SLC4A4: variants seen among roughly 807,000 people sequenced by gnomAD.
The protein encoded by SLC4A4 is electrogenic sodium bicarbonate cotransporter 1.
Under a neutral mutation model 111.5 loss-of-function variants are expected in SLC4A4, and 27 were observed. The ratio of observed to expected loss-of-function variants is 0.24; its 90% CI spans 0.18 to 0.33. The LOEUF is 0.33. SLC4A4 is among the 10% of genes least tolerant of loss of function. The probability of loss-of-function intolerance (pLI) is 1.00; values close to 1 mark genes in which losing one functional copy is unlikely to be tolerated. For synonymous variants in SLC4A4, 443 were observed against 463.4 expected (o/e 0.96, Z 0.57); for missense variants, 909 against 1,315.5 (o/e 0.69, Z 4.78).
intron 7 of SLC4A4, among the ~76,000 whole-genome samples, chr4:71,424,780 G>T (rs1722944347): frequency 6.6e-6 from 1 of 152,000 alleles, no homozygotes; most frequent in Non-Finnish European, 1.5e-5. Flanking sequence ...TCATAGGTGG[G>T]AATTGAACAA....
intron 6 of SLC4A4, among the ~76,000 whole-genome samples, chr4:71,380,726 C>T (rs1280253046): frequency 6.6e-6 from 1 of 152,142 alleles, no homozygotes; most frequent in East Asian, 1.9e-4. Context: ...TGAGGTCACT[C>T]AGTTAGTTGG....
chr4:71,075,809 C>T (rs1401479289), intron 1 of SLC4A4, among the ~76,000 whole-genome samples: 1 of 151,830 alleles, frequency 6.6e-6, no homozygotes, highest in Non-Finnish European at 1.5e-5. Context: ...ACTAAAAATA[C>T]AAAAATTAGC....
intron 1 of SLC4A4, among the ~76,000 whole-genome samples, chr4:71,077,945 A>G (rs1741889308): frequency 6.6e-6 from 1 of 152,326 alleles, no homozygotes; most frequent in East Asian, 1.9e-4. Flanking sequence ...AGAAAAATCA[A>G]TGAAAACATA....
At chr4:71,328,147 G>T (rs1169816052) in intron 3 of SLC4A4, among the ~76,000 whole-genome samples, 10 of 152,048 alleles carry the variant, frequency 6.6e-5, no homozygotes, top group Non-Finnish European at 1.3e-4. Context: ...TATTGCAAAT[G>T]ACTGGATCTC....
chr4:71,198,455 A>G (rs1746105827), intron 1 of SLC4A4, among the ~76,000 whole-genome samples: 1 of 152,196 alleles, frequency 6.6e-6, no homozygotes, highest in South Asian at 2.1e-4. Context: ...TTGGTCTTGC[A>G]CCTCAGGGCA....
intron 2 of SLC4A4, among the ~76,000 whole-genome samples, chr4:71,131,293 C>T (rs529586164): frequency 3.3e-5 from 5 of 152,124 alleles, no homozygotes; most frequent in Admixed American, 6.5e-5. Context: ...GCACTTTCGC[C>T]GTCCCTCTAA....
At chr4:71,428,140 C>A (rs1723312896) in intron 7 of SLC4A4, among the ~76,000 whole-genome samples, 1 of 152,106 alleles carries the variant, frequency 6.6e-6, no homozygotes, top group Admixed American at 6.6e-5. Context: ...GAGAACACTT[C>A]TTTCTACCTT....
intron 6 of SLC4A4, among the ~76,000 whole-genome samples, chr4:71,388,422 C>A (rs1718964679): frequency 1.3e-5 from 2 of 152,064 alleles, no homozygotes; most frequent in Non-Finnish European, 2.9e-5. Flanking sequence ...CTTTATATGT[C>A]TTTTGAATGC....
intron 16 of SLC4A4, among the ~76,000 whole-genome samples, chr4:71,516,332 C>T (rs9995532): frequency 0.41 from 61,789 of 151,686 alleles, 15,110 homozygotes; most frequent in African/African-American, 0.64. Context: ...CTCCTGATCT[C>T]GTGATCCACC....
At chr4:71,452,068 T>C (rs927444992) in intron 11 of SLC4A4, among the ~76,000 whole-genome samples, 1 of 146,012 alleles carries the variant, frequency 6.8e-6, no homozygotes, top group Non-Finnish European at 1.5e-5. Context: ...ACTTATTTTA[T>C]GAAGATATGG....
At chr4:71,400,824 A>AT (rs986797033) in intron 7 of SLC4A4, among the ~76,000 whole-genome samples, 6 of 151,088 alleles carry the variant, frequency 4.0e-5, no homozygotes, top group Admixed American at 6.6e-5. Context: ...TCTGGCTTTT[A>AT]TTTTTTTTTA....
At chr4:71,140,570 T>C (rs1328382022) in intron 2 of SLC4A4, among the ~76,000 whole-genome samples, 1 of 152,180 alleles carries the variant, frequency 6.6e-6, no homozygotes, top group Non-Finnish European at 1.5e-5. Flanking sequence ...ATTATTTTGA[T>C]TTTTCCTTCC....
At chr4:71,218,970 A>G (rs1718586156) in intron 1 of SLC4A4, among the ~76,000 whole-genome samples, 1 of 152,086 alleles carries the variant, frequency 6.6e-6, no homozygotes, top group Non-Finnish European at 1.5e-5. Flanking sequence ...TTTCCCTTGT[A>G]TCCCATCAAT....
intron 2 of SLC4A4, among the ~76,000 whole-genome samples, chr4:71,106,432 C>A (rs1264171224): frequency 1.3e-5 from 2 of 148,318 alleles, no homozygotes; most frequent in Non-Finnish European, 3.0e-5. Context: ...GGTATATACC[C>A]AAAGGACTAT....
chr4:71,288,019 T>C (rs1724049429), intron 3 of SLC4A4, among the ~76,000 whole-genome samples: 1 of 152,220 alleles, frequency 6.6e-6, no homozygotes, highest in Non-Finnish European at 1.5e-5. Flanking sequence ...ACATCTTGAA[T>C]GATCAGAATG....
intron 2 of SLC4A4, among the ~76,000 whole-genome samples, chr4:71,145,361 G>A (rs1159389846): frequency 6.6e-6 from 1 of 152,162 alleles, no homozygotes; most frequent in African/African-American, 2.4e-5. Flanking sequence ...GTATTTTATT[G>A]AGGATTTTTG....
At chr4:71,486,883 T>G in intron 14 of SLC4A4, 65 bp from the exon 15 acceptor site, 1 of 946,010 alleles carries the variant, frequency 1.1e-6, no homozygotes, top group Non-Finnish European at 1.7e-6. Flanking sequence ...AAATACCTAA[T>G]TATGCATTTA....
intron 2 of SLC4A4, among the ~76,000 whole-genome samples, chr4:71,142,657 C>T (rs1744033040): frequency 6.6e-6 from 1 of 151,858 alleles, no homozygotes; most frequent in South Asian, 2.1e-4. Context: ...CGGCTTTTTG[C>T]AGCATCTTTC....
chr4:71,214,432 T>C (rs898938071), intron 1 of SLC4A4, among the ~76,000 whole-genome samples: 1 of 152,180 alleles, frequency 6.6e-6, no homozygotes, highest in African/African-American at 2.4e-5. Flanking sequence ...CGCATCATCA[T>C]GGCAAAGGCT....
Sources: allele counts gnomAD v4.1 joint callset (sites outside exome capture counted in the v4.1 genomes callset), GRCh38; gene constraint gnomAD v4.1.1; transcripts MANE v1.5; gene names NCBI Gene and HGNC (gene_info 2026-07-23, HGNC 2026-07-21).